MPPED2: variants seen among roughly 807,000 people sequenced by gnomAD.
The protein encoded by MPPED2 is metallophosphoesterase MPPED2.
In MPPED2, 5 loss-of-function variants were observed where a neutral mutation model predicts 33.0. That is an observed-to-expected ratio of 0.15 (90% CI 0.08 to 0.32). The LOEUF is 0.32. Among genes scored for constraint, MPPED2 ranks in the 10% least tolerant of loss-of-function variants. The pLI is 1.00. For missense variants in MPPED2, 275 were observed against 372.1 expected (o/e 0.74, Z 2.15); for synonymous variants, 136 against 141.9 (o/e 0.96, Z 0.29).
intron 4 of MPPED2, among the ~76,000 whole-genome samples, chr11:30,422,852 G>A (rs1259056457): frequency 6.6e-6 from 1 of 152,140 alleles, no homozygotes; most frequent in Non-Finnish European, 1.5e-5. Context: ...AGGAAGGAGA[G>A]CAACTCCATC....
chr11:30,423,926 C>T (rs1361774481), intron 4 of MPPED2, among the ~76,000 whole-genome samples: 1 of 152,150 alleles, frequency 6.6e-6, no homozygotes. Flanking sequence ...AATGCATAGG[C>T]AAGCATTTCT....
intron 2 of MPPED2, among the ~76,000 whole-genome samples, chr11:30,577,718 G>T (rs2134884053): frequency 6.6e-6 from 1 of 152,250 alleles, no homozygotes; most frequent in African/African-American, 2.4e-5. Context: ...ACAAAACAAT[G>T]GCATGTTCTC....
At chr11:30,435,884 G>A (rs1949302177) in intron 4 of MPPED2, among the ~76,000 whole-genome samples, 1 of 152,062 alleles carries the variant, frequency 6.6e-6, no homozygotes, top group Non-Finnish European at 1.5e-5. Flanking sequence ...ACAAGCTACA[G>A]GGCAAAGGAG....
chr11:30,522,563 C>A (rs1419779139), intron 3 of MPPED2, among the ~76,000 whole-genome samples: 2 of 152,126 alleles, frequency 1.3e-5, no homozygotes, highest in African/African-American at 4.8e-5. Flanking sequence ...AATAATTAAT[C>A]AATGGAGGCC....
chr11:30,476,808 A>G (rs553402510), intron 4 of MPPED2, among the ~76,000 whole-genome samples: 3 of 152,188 alleles, frequency 2.0e-5, no homozygotes, highest in Non-Finnish European at 2.9e-5. Context: ...CAATCAGTAG[A>G]TTGAGCTGAA....
intron 2 of MPPED2, among the ~76,000 whole-genome samples, chr11:30,556,184 A>G (rs1422264484): frequency 6.6e-6 from 1 of 152,206 alleles, no homozygotes; most frequent in Non-Finnish European, 1.5e-5. Flanking sequence ...TCAGCCTAAA[A>G]GCTTAGAATG....
At chr11:30,493,633 A>G (rs1952096713) in intron 4 of MPPED2, among the ~76,000 whole-genome samples, 1 of 151,530 alleles carries the variant, frequency 6.6e-6, no homozygotes, top group Non-Finnish European at 1.5e-5. Context: ...TGATATTGAC[A>G]ATCATTTAGT....
At chr11:30,392,755 T>C (rs1264877726) in intron 6 of MPPED2, among the ~76,000 whole-genome samples, 1 of 152,130 alleles carries the variant, frequency 6.6e-6, no homozygotes, top group Non-Finnish European at 1.5e-5. Flanking sequence ...GAGAGAGTGT[T>C]CATGCTCCCC....
Position 30,442,376 on chromosome 11 carries a change from C to G in MPPED2, c.537-24743G>C, listed in dbSNP as rs191709993. Among the ~76,000 whole-genome samples the G allele has an allele frequency of 9.2e-5, 14 of 152,300 alleles. No homozygotes were observed. The East Asian group carries it at 2.7e-3, about 29-fold the overall frequency. ...AGTCTACAAAAAGCAATAGGGGAAG[C>G]TTTGCTGATTGCCCACTATGTGTGA... On this transcript the variant is annotated intron_variant, in intron 4 of 6. Transcript: ENST00000358117.
At chr11:30,428,887 C>T (rs1214314884) in intron 4 of MPPED2, 1 of 152,232 alleles carries the variant, frequency 6.6e-6, no homozygotes, top group African/African-American at 2.4e-5. Context: ...ATTAATATCA[C>T]CAACCCTTTG....
chr11:30,454,161 A>G (rs1435726421), intron 4 of MPPED2, among the ~76,000 whole-genome samples: 1 of 152,218 alleles, frequency 6.6e-6, no homozygotes, highest in Non-Finnish European at 1.5e-5. Flanking sequence ...CTGCACCTTA[A>G]TCCTGATGAC....
At chr11:30,388,774 TCTTC>T (rs1395260432) in exon 7 of MPPED2, 51 of 1,303,954 alleles carry the variant, frequency 3.9e-5, no homozygotes, top group Non-Finnish European at 5.1e-5. Flanking sequence ...AGGAGAGGCA[TCTTC>T]CTTCCTTCCT....
chr11:30,567,073 G>A (rs1956476643), intron 2 of MPPED2, among the ~76,000 whole-genome samples: 1 of 152,156 alleles, frequency 6.6e-6, no homozygotes, highest in Non-Finnish European at 1.5e-5. Context: ...AAAAAATACA[G>A]GAGGTGTGCC....
chr11:30,492,503 A>C (rs1260809570), intron 4 of MPPED2, among the ~76,000 whole-genome samples: 1 of 152,140 alleles, frequency 6.6e-6, no homozygotes, highest in Non-Finnish European at 1.5e-5. Context: ...CACCTCTGCC[A>C]ATCAGAGGTC....
At chr11:30,421,966 G>A (rs1948635086) in intron 4 of MPPED2, among the ~76,000 whole-genome samples, 1 of 152,166 alleles carries the variant, frequency 6.6e-6, no homozygotes, top group African/African-American at 2.4e-5. Context: ...GGAAAAAGCA[G>A]CCCACTGATG....
At chr11:30,430,343 T>TA (rs943289480) in intron 4 of MPPED2, among the ~76,000 whole-genome samples, 18 of 152,046 alleles carry the variant, frequency 1.2e-4, no homozygotes, top group African/African-American at 4.3e-4. Flanking sequence ...TGCTTCATAT[T>TA]AAAAAAAAGA....
intron 4 of MPPED2, among the ~76,000 whole-genome samples, chr11:30,460,661 T>C (rs1278495718): frequency 6.6e-6 from 1 of 152,184 alleles, no homozygotes; most frequent in East Asian, 1.9e-4. Context: ...TAAATATTTT[T>C]AAAATTTTTA....
At position 30,411,092 on chromosome 11, in the gene MPPED2, A is replaced by G; in HGVS notation, c.*376T>C. On this transcript the variant is annotated 3_prime_UTR_variant, in exon 7 of 7. Transcript: ENST00000358117. ...ACAATACTCTTAAACAGTTGTGCAAATCTGTGTTGGTTTTTAAAACACTGC... is the reference window on the plus strand; with the variant it reads ...ACAATACTCTTAAACAGTTGTGCAAGTCTGTGTTGGTTTTTAAAACACTGC... 1 of 989,512 alleles carries G rather than the reference A, an allele frequency of 1.0e-6. No homozygotes were observed. The highest frequency in any genetic ancestry group is 5.2e-4 in the Middle Eastern group (1 of 1,926). The allele number at this position is 989,512 out of a possible 1,614,324, so 61.3% of individuals were successfully genotyped here. A position where few individuals can be genotyped will look rare whatever the true frequency, so the allele number is the denominator to read the frequency against.
chr11:30,460,713 A>G (rs1355652288), intron 4 of MPPED2, among the ~76,000 whole-genome samples: 1 of 152,200 alleles, frequency 6.6e-6, no homozygotes, highest in African/African-American at 2.4e-5. Flanking sequence ...CTGGTTTTAT[A>G]TTGTTGAGAG....
Sources: gnomAD v4.1 joint callset for allele counts (sites outside exome capture counted in the v4.1 genomes callset) on GRCh38, gnomAD v4.1.1 for gene constraint, MANE v1.5 for transcripts, NCBI Gene and HGNC (gene_info 2026-07-23, HGNC 2026-07-21) for gene names.